Variants in KCTD3 observed in about 807,000 individuals in gnomAD.
KCTD3 encodes BTB/POZ domain-containing protein KCTD3.
Under a neutral mutation model 85.8 loss-of-function variants are expected in KCTD3, and 41 were observed. The observed-to-expected ratio is 0.48, with a 90% confidence interval of 0.37 to 0.62. The LOEUF (loss-of-function observed/expected upper bound fraction) is 0.62. Ranked by LOEUF, KCTD3 falls within the 20% of genes least tolerant of loss-of-function variation. KCTD3 has a pLI of 0.00. For missense variants in KCTD3, 724 were observed against 989.9 expected (o/e 0.73, Z 3.60); for synonymous variants, 338 against 345.4 (o/e 0.98, Z 0.24).
intron 1 of KCTD3, among the ~76,000 whole-genome samples, chr1:215,569,071 T>C (rs1659263121): frequency 6.6e-6 from 1 of 152,104 alleles, no homozygotes; most frequent in South Asian, 2.1e-4. Context: ...TTACAATCCC[T>C]ACACTGGTTT....
In KCTD3 at chr1:215,619,134, G is replaced by T. The variant is rs1338040021; in HGVS notation, c.1748-19G>T. The stretch of plus-strand genomic sequence containing the variant: ...AGCTTTTCACTTAAGTGATTTTAAT[G>T]ACTATTTGTTCTCCTAAGATGTAGG... On this transcript the variant is annotated intron_variant, in intron 16 of 17. Coordinates refer to ENST00000259154, the MANE Select transcript of KCTD3 (RefSeq NM_016121.5). The T allele has an allele frequency of 6.2e-7, 1 of 1,610,170 alleles. No individual in the cohort carries two copies. The highest frequency in any genetic ancestry group is 1.7e-5 in the Admixed American group (1 of 59,602).
intron 3 of KCTD3, among the ~76,000 whole-genome samples, chr1:215,574,605 A>G (rs947927878): frequency 3.9e-5 from 6 of 152,196 alleles, no homozygotes; most frequent in African/African-American, 7.2e-5. Flanking sequence ...GGAGGCAACA[A>G]AGTGACCAAT....
At chr1:215,616,086 C>T (rs950794829) in intron 15 of KCTD3, among the ~76,000 whole-genome samples, 1 of 152,078 alleles carries the variant, frequency 6.6e-6, no homozygotes, top group Non-Finnish European at 1.5e-5. Flanking sequence ...AAAGAGCGTT[C>T]TGGTTTCTGT....
rs571853126 is a variant in KCTD3 at position 215,600,921 on chromosome 1, A to C, written c.934-946A>C. Among the ~76,000 whole-genome samples the C allele has an allele frequency of 2.6e-5, 4 of 152,142 alleles. No homozygotes were observed. The East Asian group carries it at 7.8e-4, about 30-fold the overall frequency. Reference sequence around the variant, plus strand: ...TATCACTCTAGTAAAATAGTATTGCAACTATCCTAGCAAACACATTTTTTT... The same window carrying C: ...TATCACTCTAGTAAAATAGTATTGCCACTATCCTAGCAAACACATTTTTTT... On this transcript the variant is annotated intron_variant, in intron 10 of 17. Coordinates refer to ENST00000259154, the MANE Select transcript of KCTD3 (RefSeq NM_016121.5).
At position 215,586,596 on chromosome 1, in the gene KCTD3, A is replaced by T. The variant is rs778360428; in HGVS notation, c.728A>T (p.His243Leu). 4 of 1,614,164 alleles carry T rather than the reference A, an allele frequency of 2.5e-6. No homozygotes were observed. The South Asian group carries it at 4.4e-5, about 18-fold the overall frequency. Residue 243 changes from histidine (H) to leucine (L), a missense_variant, in exon 9 of 18, where the codon CAT becomes CTT. By Grantham distance (99) the His-to-Leu change is moderately conservative (BLOSUM62 -3). Around this residue, in one of 6 missense-constraint regions of KCTD3, gnomAD observed 146 missense variants for 320.3 expected, o/e 0.46. Transcript: ENST00000259154. Reference protein sequence around the residue: ...ALNAKVVGGPHGDKDKMVAVA... With the variant: ...ALNAKVVGGPLGDKDKMVAVA... Reference sequence around the variant, plus strand: ...AATGCAAAGGTGGTTGGAGGGCCACATGGAGACAAAGACAAAATGGTTGCT... The same window carrying T: ...AATGCAAAGGTGGTTGGAGGGCCACTTGGAGACAAAGACAAAATGGTTGCT...
intron 8 of KCTD3, chr1:215,580,846 ATT>A: frequency 6.7e-6 from 2 of 299,792 alleles, no homozygotes; most frequent in Non-Finnish European, 1.3e-5. Flanking sequence ...TCCCAGATGT[ATT>A]TTTTTTTTAA....
rs778279718 is a variant in KCTD3 at position 215,608,006 on chromosome 1, TTC to T, written c.1310-7_1310-6del. ...AATTTTGTATTCTTTTGTGTTCTCT[TTC>T]TCTGCTAGTCTGTGCAGATAATAAT... is the stretch of plus-strand genomic sequence containing the variant. On this transcript the variant is annotated splice_polypyrimidine_tract_variant and intron_variant, in intron 13 of 17. Coordinates refer to ENST00000259154, the MANE Select transcript of KCTD3 (RefSeq NM_016121.5). 1.3e-6 allele frequency: 2 copies of T among 1,579,628 alleles called. No homozygotes were observed. Among genetic ancestry groups the T allele is most frequent in the Non-Finnish European group, 1.7e-6 (2 of 1,169,590 alleles).
At chr1:215,619,481 A>G (rs1287208033) in intron 17 of KCTD3, among the ~76,000 whole-genome samples, 190 bp downstream of exon 17, 1 of 152,210 alleles carries the variant, frequency 6.6e-6, no homozygotes, top group Non-Finnish European at 1.5e-5. Context: ...TTTCATAGAA[A>G]AACATTTTTA....
intron 8 of KCTD3, among the ~76,000 whole-genome samples, chr1:215,583,674 C>T (rs1161409575): frequency 6.6e-6 from 1 of 152,162 alleles, no homozygotes; most frequent in African/African-American, 2.4e-5. Flanking sequence ...TTTTCCCCTT[C>T]CCTTTTACAA....
At chr1:215,606,166 T>C (rs961460226) in intron 13 of KCTD3, among the ~76,000 whole-genome samples, 3 of 152,168 alleles carry the variant, frequency 2.0e-5, no homozygotes, top group Non-Finnish European at 2.9e-5. Flanking sequence ...CTTCGAACTT[T>C]TGTGTTTGTT....
rs1215996325 is a variant in KCTD3, at chr1:215,567,394, C to A, written c.-292C>A. ...CCTCCCAGGCAGGCTGCGGCGGCGTCGGTGGCAGCGGAGCACGGAGAAGAG... is the reference window on the plus strand; with the variant it reads ...CCTCCCAGGCAGGCTGCGGCGGCGTAGGTGGCAGCGGAGCACGGAGAAGAG... On this transcript the variant is annotated 5_prime_UTR_variant, in exon 1 of 18. Coordinates refer to ENST00000259154, the MANE Select transcript of KCTD3 (RefSeq NM_016121.5). 3 of 208,278 alleles carry A rather than the reference C, an allele frequency of 1.4e-5. No individual in the cohort carries two copies. The highest frequency in any genetic ancestry group is 2.3e-5 in the African/African-American group (1 of 43,232). 12.9% of individuals were successfully genotyped at this position (208,278 alleles called of 1,614,324 possible).
At chr1:215,602,511 T>C (rs573033456) in intron 12 of KCTD3, among the ~76,000 whole-genome samples, 119 of 152,164 alleles carry the variant, frequency 7.8e-4, no homozygotes, top group African/African-American at 2.9e-3. Flanking sequence ...TGTCTTCCTA[T>C]TAAAATAACT....
At chr1:215,603,532 T>A (rs1399764104) in intron 12 of KCTD3, among the ~76,000 whole-genome samples, 2 of 152,196 alleles carry the variant, frequency 1.3e-5, no homozygotes, top group Non-Finnish European at 2.9e-5. Context: ...GTAAGCAATG[T>A]AATGGGTATG....
At chr1:215,570,589 T>C (rs1659321648) in intron 1 of KCTD3, among the ~76,000 whole-genome samples, 1 of 152,174 alleles carries the variant, frequency 6.6e-6, no homozygotes, top group South Asian at 2.1e-4. Context: ...TTTTGATACT[T>C]AGTCTATTAA....
At chr1:215,583,885 G>A (rs949495539) in intron 8 of KCTD3, among the ~76,000 whole-genome samples, 4 of 152,146 alleles carry the variant, frequency 2.6e-5, no homozygotes, top group Non-Finnish European at 4.4e-5. Context: ...ATAAGTGTTC[G>A]ATTTAAGAAA....
At chr1:215,614,187 A>G (rs1655344550) in intron 15 of KCTD3, among the ~76,000 whole-genome samples, 1 of 151,340 alleles carries the variant, frequency 6.6e-6, no homozygotes, top group Non-Finnish European at 1.5e-5. Context: ...GCATGCCACC[A>G]CGCCTGGCTA....
At chr1:215,598,222 C>T (rs1654684972) in intron 10 of KCTD3, among the ~76,000 whole-genome samples, 1 of 151,854 alleles carries the variant, frequency 6.6e-6, no homozygotes, top group Admixed American at 6.6e-5. Context: ...TTTCTCAGTC[C>T]CTGAGAAGAC....
At chr1:215,586,137 T>A (rs1659999077) in intron 8 of KCTD3, among the ~76,000 whole-genome samples, 1 of 152,222 alleles carries the variant, frequency 6.6e-6, no homozygotes, top group Non-Finnish European at 1.5e-5. Flanking sequence ...CATTTGTGTG[T>A]GTGTGCGTGT....
Position 215,577,697 on chromosome 1 carries a change from T to C in KCTD3, c.285T>C (p.His95=). ...LRGVSINVLR[H]EAEFYGITPL... ...GAGTGAGTATTAATGTTCTCAGGCA[T>C]GAAGCAGAATTTTACGGGATCACTC... The change falls in exon 5 of 18, where the codon CAT becomes CAC. Residue 95 remains histidine, a synonymous_variant. Transcript: ENST00000259154. The C allele has an allele frequency of 1.2e-6, 2 of 1,601,352 alleles. No homozygotes were observed. The highest frequency in any genetic ancestry group is 1.7e-6 in the Non-Finnish European group (2 of 1,168,532).
Sources: gnomAD v4.1 joint callset for allele counts (sites outside exome capture counted in the v4.1 genomes callset) on GRCh38, gnomAD v4.1.1 for gene constraint, gnomAD v4.1.1 regional missense constraint, MANE v1.5 for transcripts, NCBI Gene and HGNC (gene_info 2026-07-23, HGNC 2026-07-21) for gene names.